AMZ2: variants seen among roughly 807,000 people sequenced by gnomAD.
AMZ2 encodes archaemetzincin-2.
Under a neutral mutation model 36.7 loss-of-function variants are expected in AMZ2, and 26 were observed. The ratio of observed to expected loss-of-function variants is 0.71; its 90% CI spans 0.52 to 0.98. The LOEUF is 0.98. Among genes scored for constraint, AMZ2 ranks in the 50% least tolerant of loss-of-function variants. AMZ2 has a pLI of 0.00. For missense variants in AMZ2, 394 were observed against 430.5 expected (o/e 0.92, Z 0.75); for synonymous variants, 144 against 149.1 (o/e 0.97, Z 0.25).
At chr17:68,220,589 T>A (rs1438537992) in intron 1 of AMZ2, among the ~76,000 whole-genome samples, 1 of 152,036 alleles carries the variant, frequency 6.6e-6, no homozygotes, top group Admixed American at 6.6e-5. Flanking sequence ...ACACTTTGGG[T>A]GATAAGAAAA....
chr17:68,254,448 A>G lies in AMZ2; in HGVS notation c.631A>G (p.Ser211Gly), dbSNP rs782176793. 4 of 1,613,414 alleles carry G rather than the reference A, an allele frequency of 2.5e-6. No homozygotes were observed. Among genetic ancestry groups the G allele is most frequent in the Non-Finnish European group, 3.4e-6 (4 of 1,179,998 alleles). ...SFARYGSDFY[S>G]MHYKGKVKKL... ...TGCCAGGTATGGCAGTGATTTTTAT[A>G]GCATGCACTATAAAGGCAAAGTGAA... is the stretch of plus-strand genomic sequence containing the variant. The change falls in exon 5 of 7, where the codon AGC becomes GGC. Residue 211 changes from serine to glycine, a missense_variant. Physicochemically the swap from Ser to Gly is moderately conservative, Grantham distance 56. Coordinates refer to ENST00000359904, the MANE Select transcript of AMZ2 (RefSeq NM_016627.5).
intron 1 of AMZ2, among the ~76,000 whole-genome samples, chr17:68,224,580 C>G (rs1413923427): frequency 6.8e-6 from 1 of 146,198 alleles, no homozygotes; most frequent in African/African-American, 2.5e-5. Context: ...GGGTCTCACT[C>G]TGTTGCCCAG....
At chr17:68,254,930 G>A (rs1343417065) in intron 5 of AMZ2, among the ~76,000 whole-genome samples, 2 of 152,148 alleles carry the variant, frequency 1.3e-5, no homozygotes, top group Non-Finnish European at 2.9e-5. Context: ...TGGCCTCTCT[G>A]GGAGCCTGGG....
upstream of AMZ2, chr17:68,248,003 T>A (rs114924467): frequency 4.4e-3 from 4,370 of 985,756 alleles, 123 homozygotes; most frequent in African/African-American, 0.066. Context: ...GCGCGGCGCG[T>A]GGCGTAAGGG....
chr17:68,255,000 T>C (rs1555741988), intron 5 of AMZ2, among the ~76,000 whole-genome samples: 1 of 152,188 alleles, frequency 6.6e-6, no homozygotes, highest in Non-Finnish European at 1.5e-5. Flanking sequence ...GTTCCTGATA[T>C]CCCCAACTCG....
chr17:68,225,505 AT>A (rs1555729663), intron 1 of AMZ2, among the ~76,000 whole-genome samples: 1 of 152,192 alleles, frequency 6.6e-6, no homozygotes, highest in Non-Finnish European at 1.5e-5. Context: ...GTGTATTTTG[AT>A]TTTTAATTTT....
intron 1 of AMZ2, 159 bp downstream of exon 1, chr17:68,248,864 CA>C (rs2144698474): frequency 2.6e-6 from 2 of 764,720 alleles, no homozygotes; most frequent in South Asian, 1.2e-4. Flanking sequence ...TCTTCAACCC[CA>C]GAATTTATAG....
At chr17:68,221,950 A>G (rs1164610123) in intron 1 of AMZ2, among the ~76,000 whole-genome samples, 1 of 152,228 alleles carries the variant, frequency 6.6e-6, no homozygotes, top group Non-Finnish European at 1.5e-5. Context: ...CAGTAATCCC[A>G]GTGAGGGTGA....
intron 1 of AMZ2, among the ~76,000 whole-genome samples, chr17:68,209,632 A>ATATATATGTATATATATTTTTT: frequency 3.3e-5 from 3 of 90,696 alleles, no homozygotes; most frequent in Non-Finnish European, 6.0e-5. Flanking sequence ...ATATATATAT[A>ATATATATGTATATATATTTTTT]TTTTTTTTTT....
At position 68,248,347 on chromosome 17, in the gene AMZ2, C is replaced by T; in HGVS notation, c.-359C>T. On this transcript the variant is annotated 5_prime_UTR_variant, in exon 1 of 7. Coordinates refer to ENST00000359904, the MANE Select transcript of AMZ2 (RefSeq NM_016627.5). ...GAGAGTCCCTGGGGAACCCCCACTC[C>T]ACTCCCAGCTGGAGACTGGGTTGTG... is the stretch of plus-strand genomic sequence containing the variant. The T allele has an allele frequency of 1.0e-6, 1 of 986,084 alleles. No homozygotes were observed. The highest frequency in any genetic ancestry group is 1.2e-6 in the Non-Finnish European group (1 of 830,130). 61.1% of individuals were successfully genotyped at this position (986,084 alleles called of 1,614,324 possible). A position where few individuals can be genotyped will look rare whatever the true frequency, so the allele number is the denominator to read the frequency against.
intron 1 of AMZ2, among the ~76,000 whole-genome samples, chr17:68,220,852 G>A (rs1219969531): frequency 6.8e-6 from 1 of 148,060 alleles, no homozygotes; most frequent in Non-Finnish European, 1.5e-5. Context: ...GTGCGATCTC[G>A]GCTCACTACA....
At chr17:68,218,035 A>G (rs2073246671) in intron 1 of AMZ2, among the ~76,000 whole-genome samples, 1 of 152,032 alleles carries the variant, frequency 6.6e-6, no homozygotes, top group Non-Finnish European at 1.5e-5. Flanking sequence ...GATGGTCTCG[A>G]TCTCCTGACC....
At chr17:68,227,211 G>A (rs4078628) in intron 1 of AMZ2, among the ~76,000 whole-genome samples, 54,013 of 151,974 alleles carry the variant, frequency 0.36, 10,711 homozygotes, top group African/African-American at 0.54. Context: ...GACCTGCTCC[G>A]TGACCTCGGG....
At chr17:68,248,037 TGGCGC>T (rs1261471267), upstream of AMZ2, 1 of 986,248 alleles carries the variant, frequency 1.0e-6, no homozygotes, top group Non-Finnish European at 1.2e-6. Context: ...GGGCGTGGCG[TGGCGC>T]AGTGCGAAGG....
intron 1 of AMZ2, among the ~76,000 whole-genome samples, chr17:68,220,196 C>CT (rs1396785074): frequency 2.6e-5 from 4 of 152,174 alleles, no homozygotes; most frequent in African/African-American, 9.7e-5. Context: ...AATATTTTGT[C>CT]TTCTTTATAC....
rs145357001 is a variant in AMZ2 at position 68,229,011 on chromosome 17, C to T, written c.-66-19629C>T. 1.9e-3 allele frequency among the ~76,000 whole-genome samples: 297 copies of T among 152,350 alleles called. 3 individuals are homozygous for T. The highest frequency in any genetic ancestry group is 6.7e-3 in the African/African-American group (279 of 41,586). ...TTCTGCAGCCCTCTGGCCTCCGTGG[C>T]CAGGTGGCGAGTCCTGTTTCTGTCC... On this transcript the variant is annotated intron_variant, in intron 1 of 7. Transcript: ENST00000674770.
In AMZ2 at chr17:68,250,313, G is replaced by A. The variant is rs2074356053; in HGVS notation, c.126G>A (p.Gln42=). ...GEQRLMNEAF[Q]PASDLFGPIT... ...AACGTTTAATGAATGAAGCCTTCCA[G>A]CCAGCCAGTGATCTCTTTGGACCCA... The change falls in exon 2 of 7, where the codon CAG becomes CAA. Residue 42 remains glutamine (Q), a synonymous_variant. Transcript: ENST00000359904. 6.8e-6 allele frequency: 11 copies of A among 1,614,066 alleles called. No homozygotes were observed. Among genetic ancestry groups the A allele is most frequent in the African/African-American group, 1.3e-5 (1 of 74,912 alleles).
rs1196867281 is a variant in AMZ2, at chr17:68,221,217, C to CT, written c.-67+14979_-67+14980insT. Among the ~76,000 whole-genome samples the CT allele has an allele frequency of 1.8e-4, 17 of 93,430 alleles. 1 individual carries two copies. The East Asian group carries it at 7.0e-3, about 38-fold the overall frequency. The allele number at this position is 93,430 out of a possible 152,430, so 61.3% of individuals were successfully genotyped here. On this transcript the variant is annotated intron_variant, in intron 1 of 7. Coordinates refer to the AMZ2 transcript ENST00000674770. The stretch of plus-strand genomic sequence containing the variant: ...CTGCCTCAGCCCTCAGCTCCCCCCC[C>CT]CGCCCCCCCGGTAGCTAGGACCCCA...
At chr17:68,238,547 T>G (rs7210528) in intron 1 of AMZ2, among the ~76,000 whole-genome samples, 91,968 of 151,684 alleles carry the variant, frequency 0.61, 28,511 homozygotes, top group African/African-American at 0.74. Flanking sequence ...TATATATATA[T>G]AGAGAGAAAG....
Sources: allele counts gnomAD v4.1 joint callset (sites outside exome capture counted in the v4.1 genomes callset), GRCh38; gene constraint gnomAD v4.1.1; transcripts MANE v1.5; gene names NCBI Gene and HGNC (gene_info 2026-07-23, HGNC 2026-07-21).